FOXP2: variants seen among roughly 807,000 people sequenced by gnomAD.
FOXP2 encodes the protein forkhead box P2.
In FOXP2, 12 loss-of-function variants were observed where a neutral mutation model predicts 115.8. The ratio of observed to expected loss-of-function variants is 0.10; its 90% confidence interval spans 0.07 to 0.17. The LOEUF is 0.17. Ranked by LOEUF, FOXP2 falls within the 10% of genes least tolerant of loss-of-function variation. The probability of loss-of-function intolerance (pLI) is 1.00; values close to 1 mark genes in which losing one functional copy is unlikely to be tolerated. For synonymous variants in FOXP2, 328 were observed against 297.7 expected (o/e 1.10, Z -1.05); for missense variants, 629 against 843.5 (o/e 0.75, Z 3.15).
chr7:114,492,483 A>T (rs1797111291), intron 2 of FOXP2, among the ~76,000 whole-genome samples: 2 of 151,846 alleles, frequency 1.3e-5, no homozygotes, highest in Non-Finnish European at 2.9e-5. Flanking sequence ...TTGCTTCTCT[A>T]GTTCTTTTAA....
chr7:114,585,997 GTGTT>G (rs1001380162), intron 3 of FOXP2, among the ~76,000 whole-genome samples: 14 of 152,256 alleles, frequency 9.2e-5, no homozygotes, highest in African/African-American at 2.4e-4. Context: ...TTTCAGCTAT[GTGTT>G]TGGTTGGGGT....
rs534646066 is a variant in FOXP2, at chr7:114,164,956, AC to A, written c.-102+1874del. ...ATAAAAAGTTGAGTGGAAAACCTCT[AC>A]CCCCCAAAATTATACAGTATGTTTA... On this transcript the variant is annotated intron_variant, in intron 1 of 17. Transcript: ENST00000634411. Among the ~76,000 whole-genome samples, 108 of 132,844 alleles carry A rather than the reference AC, an allele frequency of 8.1e-4. 3 individuals carry two copies. In the South Asian group the frequency reaches 0.026, roughly 32 times the overall value. 87.2% of individuals were successfully genotyped at this position (132,844 alleles called of 152,430 possible).
chr7:114,690,148 GA>G lies in FOXP2; in HGVS notation c.*229del, dbSNP rs543811999. ...CTTCTTCTTTTTTTTTTTTTTTTTA[GA>G]AAAAAAGACAAAAACTGATTTTCTT... On this transcript the variant is annotated 3_prime_UTR_variant, in exon 17 of 17. Coordinates refer to ENST00000350908, the MANE Select transcript of FOXP2 (RefSeq NM_014491.4). 4 of 438,470 alleles carry G rather than the reference GA, an allele frequency of 9.1e-6. No individual in the cohort carries two copies. Among genetic ancestry groups the G allele is most frequent in the Admixed American group, 3.8e-5 (1 of 26,490 alleles). The allele number at this position is 438,470 out of a possible 1,614,324, so 27.2% of individuals were successfully genotyped here.
upstream of FOXP2, among the ~76,000 whole-genome samples, chr7:114,158,733 A>T (rs917227454): frequency 2.0e-5 from 3 of 152,118 alleles, no homozygotes; most frequent in Non-Finnish European, 4.4e-5. Context: ...TAGTCAAAAT[A>T]AGTTGGGATT....
At chr7:114,399,949 C>T (rs1208878124) in intron 2 of FOXP2, among the ~76,000 whole-genome samples, 2 of 151,324 alleles carry the variant, frequency 1.3e-5, no homozygotes, top group East Asian at 1.9e-4. Flanking sequence ...CTCCGCCCCC[C>T]GAGTTCAAGC....
At chr7:114,104,434 T>G (rs1791063436) in intron 1 of FOXP2, among the ~76,000 whole-genome samples, 1 of 152,052 alleles carries the variant, frequency 6.6e-6, no homozygotes, top group Non-Finnish European at 1.5e-5. Flanking sequence ...AGTTCTCTTT[T>G]TATTTTTAGA....
At chr7:114,292,305 T>C (rs1364026173) in intron 2 of FOXP2, among the ~76,000 whole-genome samples, 1 of 152,090 alleles carries the variant, frequency 6.6e-6, no homozygotes, top group Non-Finnish European at 1.5e-5. Context: ...TAGTTAATAA[T>C]AAGAATATTG....
intron 2 of FOXP2, among the ~76,000 whole-genome samples, chr7:114,474,403 G>C (rs1244633092): frequency 6.6e-6 from 1 of 152,050 alleles, no homozygotes; most frequent in African/African-American, 2.4e-5. Context: ...ATGAGAAAAA[G>C]AAAACTTTCC....
Position 114,547,126 on chromosome 7 carries a change from C to CT in FOXP2, c.258+12423dup, listed in dbSNP as rs1230682888. 7.9e-5 allele frequency among the ~76,000 whole-genome samples: 12 copies of CT among 152,278 alleles called. 1 individual carries two copies. The Middle Eastern group carries it at 0.014, about 175-fold the overall frequency. ...TACCCAACTCTCTCTCATATTACTACTTTGTCTGCTTCCGTTAGGCAGGCT... is the reference window on the plus strand; with the variant it reads ...TACCCAACTCTCTCTCATATTACTACTTTTGTCTGCTTCCGTTAGGCAGGCT... On this transcript the variant is annotated intron_variant, in intron 3 of 16. Coordinates refer to ENST00000350908, the MANE Select transcript of FOXP2 (RefSeq NM_014491.4).
At chr7:114,501,955 C>G (rs1331744412) in intron 2 of FOXP2, among the ~76,000 whole-genome samples, 1 of 151,850 alleles carries the variant, frequency 6.6e-6, no homozygotes, top group Non-Finnish European at 1.5e-5. Flanking sequence ...GCTTTGGTAG[C>G]CTTTTCTTAT....
intron 1 of FOXP2, among the ~76,000 whole-genome samples, chr7:114,139,544 T>C (rs1344304835): frequency 5.3e-5 from 8 of 152,194 alleles, no homozygotes; most frequent in Non-Finnish European, 1.2e-4. Context: ...TTCTACAAAT[T>C]TTCTGCAGAA....
intron 2 of FOXP2, among the ~76,000 whole-genome samples, chr7:114,473,011 T>C (rs972070232): frequency 6.6e-6 from 1 of 152,188 alleles, no homozygotes; most frequent in African/African-American, 2.4e-5. Context: ...GTACTTCACA[T>C]GCATTATCAC....
At chr7:114,549,960 A>AATTTTAAT (rs1426795697) in intron 3 of FOXP2, among the ~76,000 whole-genome samples, 1 of 151,914 alleles carries the variant, frequency 6.6e-6, no homozygotes, top group Non-Finnish European at 1.5e-5. Flanking sequence ...TTCTAACTTT[A>AATTTTAAT]ATTTTAATAT....
chr7:114,654,929 C>G (rs1445739279), intron 10 of FOXP2, among the ~76,000 whole-genome samples: 1 of 152,030 alleles, frequency 6.6e-6, no homozygotes, highest in Non-Finnish European at 1.5e-5. Flanking sequence ...TATTTCTTAT[C>G]AATTAATATC....
chr7:114,609,601 T>G (rs1433704899), intron 3 of FOXP2, among the ~76,000 whole-genome samples: 1 of 152,222 alleles, frequency 6.6e-6, no homozygotes. Context: ...CACTCCTTTC[T>G]AACTTTGGAT....
At chr7:114,558,314 T>G (rs1398830843) in intron 3 of FOXP2, among the ~76,000 whole-genome samples, 1 of 152,212 alleles carries the variant, frequency 6.6e-6, no homozygotes, top group African/African-American at 2.4e-5. Context: ...GCATTCTTCA[T>G]AGTTACTTCT....
chr7:114,604,047 T>G (rs890445405), intron 3 of FOXP2, among the ~76,000 whole-genome samples: 1 of 152,202 alleles, frequency 6.6e-6, no homozygotes, highest in East Asian at 1.9e-4. Context: ...TGAATATGCT[T>G]GTCTGGGCTG....
chr7:114,336,102 C>T (rs1797848497), intron 2 of FOXP2, among the ~76,000 whole-genome samples: 1 of 151,618 alleles, frequency 6.6e-6, no homozygotes, highest in Non-Finnish European at 1.5e-5. Context: ...TGTTAAAGAA[C>T]CTAATGGCCA....
At chr7:114,152,283 G>A (rs1306843132) in intron 1 of FOXP2, among the ~76,000 whole-genome samples, 2 of 152,060 alleles carry the variant, frequency 1.3e-5, no homozygotes, top group African/African-American at 4.8e-5. Flanking sequence ...TTTCTTATCT[G>A]TGACTGATAG....
Sources: gnomAD v4.1 joint callset for allele counts (sites outside exome capture counted in the v4.1 genomes callset) on GRCh38, gnomAD v4.1.1 for gene constraint, MANE v1.5 for transcripts, NCBI Gene and HGNC (gene_info 2026-07-23, HGNC 2026-07-21) for gene names.